Variants in PCDHGA10 observed in about 807,000 individuals in gnomAD.
PCDHGA10 encodes the protein protocadherin gamma-A10.
A neutral mutation model predicts 59.5 loss-of-function variants in PCDHGA10; 42 were observed. The observed-to-expected ratio is 0.71, with a 90% CI of 0.55 to 0.91. PCDHGA10 has a LOEUF of 0.91. Among genes scored for constraint, PCDHGA10 ranks in the 40% least tolerant of loss-of-function variants. The pLI is 0.00. For missense variants in PCDHGA10, 1,111 were observed against 1,198.2 expected, an observed-to-expected ratio of 0.93 and a Z score of 1.07; for synonymous variants, 511 against 517.2, an observed-to-expected ratio of 0.99 and a Z score of 0.16.
At chr5:141,483,487 A>G (rs777951096) in intron 1 of PCDHGA10, among the ~76,000 whole-genome samples, 4 of 152,006 alleles carry the variant, frequency 2.6e-5, no homozygotes, top group Non-Finnish European at 5.9e-5. Context: ...AGTGAGGGAC[A>G]GGGATGAGTC....
chr5:141,456,327 G>C (rs917430790), intron 1 of PCDHGA10, among the ~76,000 whole-genome samples: 1 of 152,186 alleles, frequency 6.6e-6, no homozygotes, highest in African/African-American at 2.4e-5. Flanking sequence ...TCCTGGGGTT[G>C]ATCTAAGGGT....
At chr5:141,443,662 C>A (rs1427397469) in intron 1 of PCDHGA10, among the ~76,000 whole-genome samples, 2 of 152,178 alleles carry the variant, frequency 1.3e-5, no homozygotes, top group African/African-American at 4.8e-5. Context: ...TAGCATTTTA[C>A]TGAACTAGTA....
intron 1 of PCDHGA10, among the ~76,000 whole-genome samples, chr5:141,462,745 TATG>T (rs1249238113): frequency 6.6e-6 from 1 of 152,262 alleles, no homozygotes; most frequent in Non-Finnish European, 1.5e-5. Flanking sequence ...CTGTAATTCC[TATG>T]ATGATTTTCT....
chr5:141,489,641 C>T lies in PCDHGA10; in HGVS notation c.2437-5166C>T, dbSNP rs1356716387. On this transcript the variant is annotated intron_variant, in intron 1 of 3. Coordinates refer to ENST00000398610, the MANE Select transcript of PCDHGA10 (RefSeq NM_018913.3). This position sits in a 1 kb window ranked among gnomAD's most constrained non-coding sequence, Gnocchi z 4.5. The stretch of plus-strand genomic sequence containing the variant: ...CTCAATGACAACTCTCCTAGCTTTG[C>T]CACCCCTGAGCGAGAGATGCGCATC... The T allele has an allele frequency of 2.5e-6, 4 of 1,614,008 alleles. No individual in the cohort carries two copies. The highest frequency in any genetic ancestry group is 3.4e-6 in the Non-Finnish European group (4 of 1,180,012).
At chr5:141,474,803 T>C (rs1383027398) in intron 1 of PCDHGA10, among the ~76,000 whole-genome samples, 1 of 152,250 alleles carries the variant, frequency 6.6e-6, no homozygotes, top group Non-Finnish European at 1.5e-5. Context: ...ATGGAGTGGT[T>C]TGCATCATTA....
intron 1 of PCDHGA10, among the ~76,000 whole-genome samples, chr5:141,434,340 G>A (rs2097687601): frequency 6.6e-6 from 1 of 152,150 alleles, no homozygotes; most frequent in Non-Finnish European, 1.5e-5. Context: ...TTTGTGTCGG[G>A]AACAGGCCCC....
At position 141,433,275 on chromosome 5, in the gene PCDHGA10, C is replaced by G. The variant is rs1173546273; in HGVS notation, c.2436+17664C>G. 1.5e-5 allele frequency: 19 copies of G among 1,229,998 alleles called. No homozygotes were observed. In the East Asian group the frequency reaches 3.6e-4, roughly 23 times the overall value. The allele number at this position is 1,229,998 out of a possible 1,614,324, so 76.2% of individuals were successfully genotyped here. A position where few individuals can be genotyped will look rare whatever the true frequency, so the allele number is the denominator to read the frequency against. On this transcript the variant is annotated intron_variant, in intron 1 of 3. Transcript: ENST00000398610. ...GCGGTACGATCATAGCTCACTGCAG[C>G]CTCAAACTCCTAGGCTCAAGCAATT...
chr5:141,429,073 C>CTCGATT (rs1202357717), intron 1 of PCDHGA10: 1 of 152,116 alleles, frequency 6.6e-6, no homozygotes, highest in African/African-American at 2.4e-5. Context: ...CCAGGATGGT[C>CTCGATT]TCGATTTCCT....
intron 1 of PCDHGA10, among the ~76,000 whole-genome samples, chr5:141,456,857 G>A (rs957526443): frequency 6.6e-5 from 10 of 152,234 alleles, no homozygotes; most frequent in African/African-American, 2.4e-4. Context: ...CAGCTAATTG[G>A]GAGGCTGAGG....
chr5:141,450,454 G>A (rs144071286), intron 1 of PCDHGA10, among the ~76,000 whole-genome samples: 3,498 of 151,958 alleles, frequency 0.023, 60 homozygotes, highest in Middle Eastern at 0.051. Flanking sequence ...ATGTTTCCTC[G>A]TGATTTTATA....
At chr5:141,441,730 A>T in intron 1 of PCDHGA10, 1 of 362,750 alleles carries the variant, frequency 2.8e-6, no homozygotes, top group South Asian at 2.2e-5. Context: ...CGCGACCAGG[A>T]CTAGCTCGCG....
intron 2 of PCDHGA10, among the ~76,000 whole-genome samples, chr5:141,503,132 CCT>C (rs1388312522): frequency 6.6e-6 from 1 of 151,994 alleles, no homozygotes; most frequent in Non-Finnish European, 1.5e-5. Flanking sequence ...TCTGGTAGCC[CCT>C]GACACAGCCC....
intron 1 of PCDHGA10, chr5:141,427,785 TC>T: frequency 6.8e-7 from 1 of 1,470,156 alleles, no homozygotes; most frequent in Non-Finnish European, 9.4e-7. Flanking sequence ...GGCACTGTCG[TC>T]CTACGTGTCC....
At chr5:141,415,828 G>A (rs1178303711) in intron 1 of PCDHGA10, 4 of 1,293,274 alleles carry the variant, frequency 3.1e-6, no homozygotes, top group Non-Finnish European at 3.0e-6. Flanking sequence ...ATAAGGCTTT[G>A]TTATGATTAG....
At chr5:141,448,862 G>A (rs1406203589) in intron 1 of PCDHGA10, among the ~76,000 whole-genome samples, 2 of 151,996 alleles carry the variant, frequency 1.3e-5, no homozygotes, top group African/African-American at 2.4e-5. Context: ...GGAGAATGGC[G>A]TGAACCTGGG....
chr5:141,505,072 G>A (rs1374916789), intron 2 of PCDHGA10, among the ~76,000 whole-genome samples: 1 of 152,228 alleles, frequency 6.6e-6, no homozygotes. Context: ...TGAGGCAGGA[G>A]AATCGCTTGA....
At chr5:141,421,429 G>T in intron 1 of PCDHGA10, 1 of 1,614,090 alleles carries the variant, frequency 6.2e-7, no homozygotes, top group Non-Finnish European at 8.5e-7. Flanking sequence ...AGTCCGCATC[G>T]TCTCCAGAGG....
At chr5:141,415,935 C>T (rs2095972319) in intron 1 of PCDHGA10, 1 of 601,888 alleles carries the variant, frequency 1.7e-6, no homozygotes, top group Non-Finnish European at 2.4e-6. Flanking sequence ...TTTATATTTC[C>T]TCCTGGGTGG....
At chr5:141,460,231 G>A (rs911633731) in intron 1 of PCDHGA10, among the ~76,000 whole-genome samples, 3 of 152,028 alleles carry the variant, frequency 2.0e-5, no homozygotes, top group Non-Finnish European at 4.4e-5. Context: ...CTTTTGAAGA[G>A]CAGAAGATGT....
Sources: gnomAD v4.1 joint callset for allele counts (sites outside exome capture counted in the v4.1 genomes callset) on GRCh38, gnomAD v4.1.1 for gene constraint, Gnocchi (gnomAD v3.1) non-coding constraint, MANE v1.5 for transcripts, NCBI Gene and HGNC (gene_info 2026-07-23, HGNC 2026-07-21) for gene names.